MRAP2: variants seen among roughly 807,000 people sequenced by gnomAD.
MRAP2 encodes the protein melanocortin-2 receptor accessory protein 2.
In MRAP2, 20 loss-of-function variants were observed where a neutral mutation model predicts 17.4. The observed-to-expected ratio is 1.15, with a 90% CI of 0.81 to 1.67. The LOEUF (loss-of-function observed/expected upper bound fraction) is 1.67. MRAP2 is among the 40% of genes most tolerant of loss of function. The pLI is 0.00. For missense variants in MRAP2, 238 were observed against 240.0 expected (o/e 0.99, Z 0.05); for synonymous variants, 96 against 88.4 (o/e 1.09, Z -0.48).
chr6:84,114,878 T>G, the MRAP2 span, among the ~76,000 whole-genome samples: 1 of 152,192 alleles, frequency 6.6e-6, no homozygotes, highest in South Asian at 2.1e-4. Context: ...CTGCAGACCC[T>G]GTTTTCCTGG....
chr6:84,039,480 A>G (rs559270712), intron 1 of MRAP2, among the ~76,000 whole-genome samples: 4 of 152,146 alleles, frequency 2.6e-5, no homozygotes, highest in Non-Finnish European at 4.4e-5. Context: ...TTTCCTTGCA[A>G]TCATGATTCT....
chr6:84,063,470 A>G (rs1217870173), intron 3 of MRAP2: 1 of 964,676 alleles, frequency 1.0e-6, no homozygotes, highest in Non-Finnish European at 1.2e-6. Context: ...AATTTAACAG[A>G]GTTTTCTTAA....
chr6:84,039,824 G>A (rs1049899868), intron 1 of MRAP2, among the ~76,000 whole-genome samples: 1 of 152,172 alleles, frequency 6.6e-6, no homozygotes, highest in Non-Finnish European at 1.5e-5. Flanking sequence ...AAGTTGCCTG[G>A]TTTAACAAGA....
At chr6:84,041,457 C>T (rs538550537) in intron 1 of MRAP2, among the ~76,000 whole-genome samples, 1 of 152,330 alleles carries the variant, frequency 6.6e-6, no homozygotes, top group Non-Finnish European at 1.5e-5. Context: ...CACTGTCCTC[C>T]AGTCGCCAGA....
chr6:84,114,626 G>A, the MRAP2 span, among the ~76,000 whole-genome samples: 2 of 152,122 alleles, frequency 1.3e-5, no homozygotes, highest in African/African-American at 4.8e-5. Flanking sequence ...TTGCTGGTGA[G>A]GAGTTGTGAT....
At chr6:84,044,624 CCCTGATG>C (rs1475186294) in intron 1 of MRAP2, among the ~76,000 whole-genome samples, 1 of 152,216 alleles carries the variant, frequency 6.6e-6, no homozygotes, top group Non-Finnish European at 1.5e-5. Context: ...GCATGGGCTC[CCCTGATG>C]CCTTTCTCTC....
chr6:84,039,556 A>T (rs901335728), intron 1 of MRAP2, among the ~76,000 whole-genome samples: 26 of 152,214 alleles, frequency 1.7e-4, no homozygotes, highest in African/African-American at 5.8e-4. Flanking sequence ...GCTTTATGAG[A>T]TGCTAAAATT....
the MRAP2 span, among the ~76,000 whole-genome samples, chr6:84,131,631 T>TCTGATAAA: frequency 6.6e-6 from 1 of 152,086 alleles, no homozygotes; most frequent in Non-Finnish European, 1.5e-5. Context: ...TGGTTTAAAG[T>TCTGATAAA]CTTTTTTATC....
intron 3 of MRAP2, among the ~76,000 whole-genome samples, chr6:84,064,344 C>T (rs2099493982): frequency 6.6e-6 from 1 of 152,062 alleles, no homozygotes; most frequent in South Asian, 2.1e-4. Context: ...CACCATTGCT[C>T]CCCACTGGCT....
chr6:84,035,049 G>A (rs1002069577), intron 1 of MRAP2, among the ~76,000 whole-genome samples: 5 of 152,162 alleles, frequency 3.3e-5, no homozygotes, highest in African/African-American at 1.2e-4. Context: ...TTCTTATGAG[G>A]AAGATCATCC....
chr6:84,068,624 G>GTT (rs559778864), intron 3 of MRAP2, among the ~76,000 whole-genome samples: 1 of 151,600 alleles, frequency 6.6e-6, no homozygotes, highest in African/African-American at 2.4e-5. Flanking sequence ...TTATTCCTAA[G>GTT]TTTGTTTTTT....
chr6:84,036,050 G>A (rs1380341201), intron 1 of MRAP2, among the ~76,000 whole-genome samples: 2 of 151,222 alleles, frequency 1.3e-5, no homozygotes, highest in Non-Finnish European at 2.9e-5. Context: ...ATATATTTAA[G>A]GAACTATTAT....
chr6:84,048,465 A>G (rs1274755397), intron 1 of MRAP2, among the ~76,000 whole-genome samples: 1 of 152,250 alleles, frequency 6.6e-6, no homozygotes, highest in Non-Finnish European at 1.5e-5. Flanking sequence ...TAACTATAAT[A>G]AAAGTGGCTG....
At chr6:84,040,447 G>T (rs2099487232) in intron 1 of MRAP2, among the ~76,000 whole-genome samples, 1 of 152,214 alleles carries the variant, frequency 6.6e-6, no homozygotes, top group Admixed American at 6.5e-5. Flanking sequence ...TTGGAACTGG[G>T]TAATGGGCAG....
the MRAP2 span, among the ~76,000 whole-genome samples, chr6:84,134,004 T>G: frequency 6.6e-6 from 1 of 150,892 alleles, no homozygotes; most frequent in African/African-American, 2.4e-5. Flanking sequence ...CAGATGGGGG[T>G]TTTTTCTATA....
At chr6:84,121,276 A>G in the MRAP2 span, among the ~76,000 whole-genome samples, 99 of 152,154 alleles carry the variant, frequency 6.5e-4, 1 homozygote, top group African/African-American at 1.9e-3. Context: ...GGGCTTTCCT[A>G]TACCATGGTG....
At chr6:84,076,908 CCTT>C (rs2099497776) in intron 3 of MRAP2, among the ~76,000 whole-genome samples, 1 of 152,188 alleles carries the variant, frequency 6.6e-6, no homozygotes, top group Non-Finnish European at 1.5e-5. Context: ...AGGAGTCTAT[CCTT>C]CTGTCTTGAT....
At chr6:84,128,916 C>G in the MRAP2 span, among the ~76,000 whole-genome samples, 2 of 149,806 alleles carry the variant, frequency 1.3e-5, no homozygotes, top group Admixed American at 6.7e-5. Context: ...TGTTCAACTT[C>G]CACTTATGAG....
the MRAP2 span, among the ~76,000 whole-genome samples, chr6:84,121,068 T>A: frequency 6.7e-6 from 1 of 148,160 alleles, no homozygotes; most frequent in Non-Finnish European, 1.5e-5. Flanking sequence ...TTTACCTTTT[T>A]ATTTTTTAAT....
Sources: gnomAD v4.1 joint callset for allele counts (sites outside exome capture counted in the v4.1 genomes callset) on GRCh38, gnomAD v4.1.1 for gene constraint, MANE v1.5 for transcripts, NCBI Gene and HGNC (gene_info 2026-07-23, HGNC 2026-07-21) for gene names.